The following COL4A6 variants were observed in gnomAD, a reference collection of about 807,000 sequenced individuals.
The protein encoded by COL4A6 is collagen type IV alpha 6 chain.
COL4A6 carries 59 observed loss-of-function variants against 126.7 expected under a neutral mutation model. The ratio of observed to expected loss-of-function variants is 0.47; its 90% CI spans 0.38 to 0.58. COL4A6 has a LOEUF of 0.58. COL4A6 is among the 20% of genes least tolerant of loss of function. The pLI is 0.00. For missense variants in COL4A6, 1,285 were observed against 1,337.3 expected (o/e 0.96, Z 0.61); for synonymous variants, 547 against 496.6 (o/e 1.10, Z -1.35).
intron 2 of COL4A6, among the ~76,000 whole-genome samples, chrX:108,395,654 GT>G (rs749663587): frequency 6.3e-5 from 7 of 111,839 alleles, no homozygotes; most frequent in Non-Finnish European, 3.8e-5. Context: ...CTGAATTATA[GT>G]TTATATTTGC....
At chrX:108,357,029 CT>C (rs2148052173) in intron 2 of COL4A6, among the ~76,000 whole-genome samples, 1 of 111,868 alleles carries the variant, frequency 8.9e-6, no homozygotes, top group Admixed American at 9.5e-5. Flanking sequence ...ACCCTAAATG[CT>C]TTTTATTTAT....
intron 3 of COL4A6, among the ~76,000 whole-genome samples, chrX:108,269,882 G>A (rs988177527): frequency 1.1e-4 from 12 of 111,474 alleles, no homozygotes; most frequent in African/African-American, 3.9e-4. Context: ...TCAAATGGAA[G>A]AGTAGGTGAC....
chrX:108,433,144 G>C (rs1220557273), intron 2 of COL4A6, among the ~76,000 whole-genome samples: 1 of 111,709 alleles, frequency 9.0e-6, no homozygotes, highest in Non-Finnish European at 1.9e-5. Context: ...TAAATGAAGT[G>C]ATTTTGTTTA....
At chrX:108,431,830 GTC>G (rs999701067) in intron 2 of COL4A6, among the ~76,000 whole-genome samples, 3 of 111,729 alleles carry the variant, frequency 2.7e-5, no homozygotes, top group African/African-American at 9.8e-5. Flanking sequence ...ATGCAAATTG[GTC>G]TCTCTCTGAG....
At chrX:108,179,002 C>T (rs1455433144) in intron 26 of COL4A6, among the ~76,000 whole-genome samples, 157 bp from the exon 27 acceptor site, 1 of 112,240 alleles carries the variant, frequency 8.9e-6, no homozygotes, top group Non-Finnish European at 1.9e-5. Context: ...AGAAATTTGA[C>T]TATTAGTTAT....
chrX:108,208,071 C>T (rs1468043116), intron 8 of COL4A6, among the ~76,000 whole-genome samples: 1 of 111,512 alleles, frequency 9.0e-6, no homozygotes, highest in Non-Finnish European at 1.9e-5. Context: ...ATAATATTAT[C>T]AGAGATAAAG....
intron 3 of COL4A6, among the ~76,000 whole-genome samples, chrX:108,248,205 C>A: frequency 9.0e-6 from 1 of 111,370 alleles, no homozygotes; most frequent in Non-Finnish European, 1.9e-5. Context: ...TTATAATGTA[C>A]TAATATATTA....
At chrX:108,363,535 G>T (rs2040134688) in intron 2 of COL4A6, among the ~76,000 whole-genome samples, 1 of 112,198 alleles carries the variant, frequency 8.9e-6, no homozygotes, top group African/African-American at 3.2e-5. Context: ...CCACTAGTAA[G>T]TAGAAGAGCA....
At chrX:108,184,163 A>G (rs1404942468) in intron 23 of COL4A6, among the ~76,000 whole-genome samples, 1 of 112,578 alleles carries the variant, frequency 8.9e-6, no homozygotes, top group African/African-American at 3.2e-5. Flanking sequence ...TTCTAGCAAC[A>G]GAAATGGCTA....
At chrX:108,405,452 T>C (rs1156750410) in intron 2 of COL4A6, among the ~76,000 whole-genome samples, 4 of 111,398 alleles carry the variant, frequency 3.6e-5, no homozygotes, top group Non-Finnish European at 7.5e-5. Flanking sequence ...CCCAAAGTGC[T>C]GGTATTACAG....
intron 20 of COL4A6, among the ~76,000 whole-genome samples, chrX:108,190,053 G>A (rs1231285874): frequency 8.9e-6 from 1 of 112,184 alleles, no homozygotes; most frequent in Admixed American, 9.4e-5. Context: ...GTCTTGACCT[G>A]TTTAGAGCAC....
intron 2 of COL4A6, among the ~76,000 whole-genome samples, chrX:108,369,040 C>T (rs1463902133): frequency 1.8e-5 from 2 of 111,696 alleles, no homozygotes; most frequent in Non-Finnish European, 3.8e-5. Flanking sequence ...ATACGAAAAC[C>T]AGTAATAGTA....
chrX:108,411,242 T>C (rs2041321982), intron 2 of COL4A6, among the ~76,000 whole-genome samples: 1 of 26,079 alleles, frequency 3.8e-5, no homozygotes, highest in South Asian at 1.2e-3. Flanking sequence ...AAGAGCTACT[T>C]TTCACTTGGC....
chrX:108,337,803 C>A (rs58490424), intron 2 of COL4A6, among the ~76,000 whole-genome samples: 6,446 of 111,841 alleles, frequency 0.058, 432 homozygotes, highest in African/African-American at 0.18. Context: ...ATTACTTTCC[C>A]AAATCTTCCT....
chrX:108,279,140 C>G (rs1248913046), intron 3 of COL4A6, among the ~76,000 whole-genome samples: 1 of 111,793 alleles, frequency 8.9e-6, no homozygotes, highest in Non-Finnish European at 1.9e-5. Context: ...TCACACATAA[C>G]AATATTAACC....
At chrX:108,383,648 G>C (rs1401612042) in intron 2 of COL4A6, 2 of 529,813 alleles carry the variant, frequency 3.8e-6, no homozygotes, top group South Asian at 5.6e-5. Context: ...CAATTTAAGG[G>C]GAAAACCAGT....
chrX:108,231,054 A>T (rs1418298502), intron 3 of COL4A6, among the ~76,000 whole-genome samples: 1 of 109,970 alleles, frequency 9.1e-6, no homozygotes, highest in African/African-American at 3.3e-5. Flanking sequence ...CAATTTACCA[A>T]CAAGAGCAGT....
intron 15 of COL4A6, 127 bp downstream of exon 15, chrX:108,194,955 C>G (rs760850548): frequency 3.3e-5 from 18 of 544,025 alleles, no homozygotes; most frequent in Non-Finnish European, 5.1e-5. Context: ...AAGATTATAC[C>G]AAAAAAAAGG....
chrX:108,256,619 G>A (rs1209231327), intron 3 of COL4A6, among the ~76,000 whole-genome samples: 3 of 111,349 alleles, frequency 2.7e-5, no homozygotes, highest in Non-Finnish European at 5.7e-5. Flanking sequence ...AGCCATACCA[G>A]TACTTTTCAA....
Sources: gnomAD v4.1 joint callset for allele counts (sites outside exome capture counted in the v4.1 genomes callset) on GRCh38, gnomAD v4.1.1 for gene constraint, MANE v1.5 for transcripts, NCBI Gene and HGNC (gene_info 2026-07-23, HGNC 2026-07-21) for gene names.